Variants in BOLL observed in about 807,000 individuals in gnomAD.
The protein encoded by BOLL is protein boule-like.
Under a neutral mutation model 44.4 loss-of-function variants are expected in BOLL, and 23 were observed. That is an observed-to-expected ratio of 0.52 (90% confidence interval 0.37 to 0.73). The LOEUF is 0.73. Among genes scored for constraint, BOLL ranks in the 30% least tolerant of loss-of-function variants. BOLL has a pLI of 0.00. For missense variants in BOLL, 287 were observed against 338.3 expected (o/e 0.85, Z 1.19); for synonymous variants, 97 against 110.8 (o/e 0.88, Z 0.78).
At chr2:197,750,434 A>G (rs1688185212) in intron 9 of BOLL, among the ~76,000 whole-genome samples, 1 of 152,216 alleles carries the variant, frequency 6.6e-6, no homozygotes, top group African/African-American at 2.4e-5. Flanking sequence ...TAGGCTCAAA[A>G]TAAAGGGATG....
At chr2:197,729,623 G>T (rs2106304527) in intron 10 of BOLL, among the ~76,000 whole-genome samples, 1 of 152,334 alleles carries the variant, frequency 6.6e-6, no homozygotes, top group Admixed American at 6.5e-5. Context: ...TCTGAGAACG[G>T]GCAGACTGCC....
At chr2:197,756,951 A>C (rs1688544010) in intron 8 of BOLL, among the ~76,000 whole-genome samples, 1 of 152,168 alleles carries the variant, frequency 6.6e-6, no homozygotes, top group South Asian at 2.1e-4. Flanking sequence ...TTTTTGGTGA[A>C]GTACTATTTG....
At chr2:197,773,085 T>A (rs944350319) in intron 5 of BOLL, among the ~76,000 whole-genome samples, 1 of 151,818 alleles carries the variant, frequency 6.6e-6, no homozygotes, top group Non-Finnish European at 1.5e-5. Flanking sequence ...AGTATTGTTA[T>A]TATTTATTTT....
intron 10 of BOLL, 86 bp from the exon 11 acceptor site, chr2:197,728,664 C>A: frequency 1.2e-6 from 1 of 851,910 alleles, no homozygotes; most frequent in South Asian, 1.8e-5. Context: ...GACCATCAAT[C>A]AACATTCACT....
At chr2:197,769,280 C>T (rs970309582) in intron 6 of BOLL, among the ~76,000 whole-genome samples, 5 of 152,004 alleles carry the variant, frequency 3.3e-5, no homozygotes, top group Non-Finnish European at 7.4e-5. Context: ...GGCTGTGAAT[C>T]TGTCTGGTCC....
At chr2:197,759,124 G>A (rs748036153) in intron 7 of BOLL, 2 of 773,684 alleles carry the variant, frequency 2.6e-6, no homozygotes, top group Non-Finnish European at 4.2e-6. Flanking sequence ...AGAATAAACA[G>A]CTACAATTTG....
chr2:197,771,748 G>A (rs1339832358), intron 6 of BOLL, 107 bp downstream of exon 6: 6 of 1,258,450 alleles, frequency 4.8e-6, no homozygotes, highest in South Asian at 1.6e-5. Context: ...TGGTTGATGT[G>A]TGTTATTATT....
At chr2:197,729,385 G>T (rs1687028149) in intron 10 of BOLL, among the ~76,000 whole-genome samples, 1 of 152,204 alleles carries the variant, frequency 6.6e-6, no homozygotes, top group African/African-American at 2.4e-5. Context: ...GCGAGGCTGG[G>T]GGAGGGGCGC....
At chr2:197,736,144 G>T (rs905093345) in intron 10 of BOLL, among the ~76,000 whole-genome samples, 10 of 151,992 alleles carry the variant, frequency 6.6e-5, no homozygotes, top group African/African-American at 2.4e-4. Context: ...TAGACATATT[G>T]GCATCTCATA....
At chr2:197,780,416 T>C (rs1273038060) in intron 2 of BOLL, among the ~76,000 whole-genome samples, 3 of 152,066 alleles carry the variant, frequency 2.0e-5, no homozygotes, top group Admixed American at 6.5e-5. Flanking sequence ...CTGTAGCTGA[T>C]GGGCTTCAGT....
chr2:197,753,500 G>T (rs1157437058), intron 9 of BOLL, among the ~76,000 whole-genome samples: 2 of 152,156 alleles, frequency 1.3e-5, no homozygotes, highest in Non-Finnish European at 2.9e-5. Flanking sequence ...CTTCTCAAAA[G>T]AAGATATTTA....
intron 10 of BOLL, among the ~76,000 whole-genome samples, chr2:197,733,883 AT>A (rs771675209): frequency 2.0e-5 from 3 of 152,198 alleles, no homozygotes; most frequent in Non-Finnish European, 4.4e-5. Context: ...AGGCAATACC[AT>A]TCAAGACATA....
intron 7 of BOLL, among the ~76,000 whole-genome samples, chr2:197,761,495 C>T (rs1473967268): frequency 2.0e-5 from 3 of 152,140 alleles, no homozygotes; most frequent in African/African-American, 7.2e-5. Flanking sequence ...CTTATAATTA[C>T]AGAGAACCCA....
chr2:197,777,133 AT>A lies in BOLL; in HGVS notation c.222-21del. 2 of 1,413,602 alleles carry A rather than the reference AT, an allele frequency of 1.4e-6. No homozygotes were observed. Among genetic ancestry groups the A allele is most frequent in the Non-Finnish European group, 9.7e-7 (1 of 1,034,306 alleles). 87.6% of individuals were successfully genotyped at this position (1,413,602 alleles called of 1,614,324 possible). ...CCATACCTAAATAAATGCATTAATT[AT>A]TACTAATTAATCATTTTCTTAGAAT... On this transcript the variant is annotated intron_variant, in intron 3 of 10. Coordinates refer to ENST00000392296, the MANE Select transcript of BOLL (RefSeq NM_033030.6).
chr2:197,742,877 A>G (rs947330551), intron 10 of BOLL, among the ~76,000 whole-genome samples, 184 bp downstream of exon 10: 1 of 152,172 alleles, frequency 6.6e-6, no homozygotes, highest in African/African-American at 2.4e-5. Flanking sequence ...TATTACCACA[A>G]TAAATAAAAA....
At chr2:197,729,099 C>T (rs1395720647) in intron 10 of BOLL, among the ~76,000 whole-genome samples, 5 of 152,068 alleles carry the variant, frequency 3.3e-5, no homozygotes, top group Admixed American at 6.5e-5. Flanking sequence ...AGACAGTGGG[C>T]GCAGGTCAGT....
chr2:197,775,222 C>G (rs1384937180), intron 5 of BOLL, among the ~76,000 whole-genome samples: 1 of 151,694 alleles, frequency 6.6e-6, no homozygotes, highest in African/African-American at 2.4e-5. Flanking sequence ...TTATGACACA[C>G]CTGGCTGGGT....
intron 7 of BOLL, among the ~76,000 whole-genome samples, chr2:197,762,660 G>C (rs1688815174): frequency 6.6e-6 from 1 of 152,118 alleles, no homozygotes; most frequent in Non-Finnish European, 1.5e-5. Context: ...AATGACCAGT[G>C]GGTGAAGGAA....
intron 1 of BOLL, chr2:197,784,597 A>AT (rs1250158278): frequency 2.2e-5 from 10 of 460,306 alleles, no homozygotes; most frequent in South Asian, 1.8e-4. Context: ...CGCCCAGCTA[A>AT]TTTTTTTGTA....
Sources: allele counts gnomAD v4.1 joint callset (sites outside exome capture counted in the v4.1 genomes callset), GRCh38; gene constraint gnomAD v4.1.1; transcripts MANE v1.5; gene names NCBI Gene and HGNC (gene_info 2026-07-23, HGNC 2026-07-21).